SRGAP2: variants seen among roughly 807,000 people sequenced by gnomAD.
SRGAP2 encodes the protein SLIT-ROBO Rho GTPase activating protein 2, also known as SLIT-ROBO Rho GTPase-activating protein 2.
SRGAP2 carries 15 observed loss-of-function variants against 57.2 expected under a neutral mutation model. The observed-to-expected ratio is 0.26, with a 90% CI of 0.18 to 0.40. SRGAP2 has a LOEUF of 0.40. SRGAP2 is among the 10% of genes least tolerant of loss of function. The pLI is 1.00. For synonymous variants in SRGAP2, 249 were observed against 248.0 expected (o/e 1.00, Z -0.04); for missense variants, 520 against 669.6 (o/e 0.78, Z 2.47).
intron 4 of SRGAP2, among the ~76,000 whole-genome samples, chr1:206,374,019 C>CAT (rs1654972996): frequency 1.3e-5 from 1 of 77,012 alleles, no homozygotes; most frequent in Non-Finnish European, 2.3e-5. Context: ...GATACACATT[C>CAT]TTTTTTTTTT....
chr1:206,461,215 C>T lies in SRGAP2; in HGVS notation c.3011C>T (p.Pro1004Leu), dbSNP rs782391090. The T allele has an allele frequency of 5.1e-6, 4 of 780,496 alleles. No homozygotes were observed. The African/African-American group carries it at 6.8e-5, about 13-fold the overall frequency. The allele number at this position is 780,496 out of a possible 1,614,324, so 48.3% of individuals were successfully genotyped here. A position where few individuals can be genotyped will look rare whatever the true frequency, so the allele number is the denominator to read the frequency against. Reference sequence around the variant, plus strand: ...CTGCACACCCAGCTCCTCAAGGACCCCGAGCCCGCCTTCCAGCGCAGCGCC... The same window carrying T: ...CTGCACACCCAGCTCCTCAAGGACCTCGAGCCCGCCTTCCAGCGCAGCGCC... Reference protein sequence around the residue: ...SPLHTQLLKDPEPAFQRSAST... With the variant: ...SPLHTQLLKDLEPAFQRSAST... Residue 1004 changes from proline to leucine, a missense_variant, in exon 23 of 23, where the codon CCC becomes CTC. Coordinates refer to ENST00000573034, the MANE Select transcript of SRGAP2 (RefSeq NM_015326.5).
At chr1:206,399,459 G>GA (rs1250114740) in intron 7 of SRGAP2, among the ~76,000 whole-genome samples, 2 of 149,832 alleles carry the variant, frequency 1.3e-5, no homozygotes, top group South Asian at 2.1e-4. Flanking sequence ...TTACCTTGGG[G>GA]AAAAAAAATG....
chr1:206,371,872 C>T (rs1489201278), intron 4 of SRGAP2, among the ~76,000 whole-genome samples: 3 of 91,282 alleles, frequency 3.3e-5, no homozygotes, highest in African/African-American at 7.1e-5. Flanking sequence ...GCCTGGACTG[C>T]GGTGGCACAA....
chr1:206,295,932 T>C (rs1671566219), intron 2 of SRGAP2, among the ~76,000 whole-genome samples: 2 of 151,718 alleles, frequency 1.3e-5, no homozygotes, highest in South Asian at 4.2e-4. Flanking sequence ...GATGAGGTCT[T>C]GCTATGTTGA....
chr1:206,290,662 AAAG>A (rs1458588745), intron 2 of SRGAP2, among the ~76,000 whole-genome samples: 144 of 150,854 alleles, frequency 9.5e-4, no homozygotes, highest in Middle Eastern at 3.4e-3. Flanking sequence ...AAAAAAAAAA[AAAG>A]AAGAAGAAAT....
intron 14 of SRGAP2, among the ~76,000 whole-genome samples, chr1:206,433,999 C>G (rs1468339170): frequency 6.6e-6 from 1 of 152,046 alleles, no homozygotes; most frequent in Non-Finnish European, 1.5e-5. Context: ...TTGATTTTTC[C>G]CAAATAGGGG....
At chr1:206,376,009 G>A (rs1170284883) in intron 4 of SRGAP2, among the ~76,000 whole-genome samples, 42 of 149,664 alleles carry the variant, frequency 2.8e-4, no homozygotes, top group Non-Finnish European at 4.8e-4. Flanking sequence ...GGTGGTTTTG[G>A]TATTCTGTGA....
intron 5 of SRGAP2, among the ~76,000 whole-genome samples, chr1:206,385,191 C>G (rs1273360955): frequency 9.0e-6 from 1 of 111,156 alleles, no homozygotes; most frequent in Admixed American, 8.8e-5. Flanking sequence ...TGAATTTCTA[C>G]TCTGTGACAC....
intron 2 of SRGAP2, among the ~76,000 whole-genome samples, chr1:206,259,484 G>A (rs1163817866): frequency 2.0e-5 from 3 of 151,722 alleles, no homozygotes; most frequent in Non-Finnish European, 4.4e-5. Context: ...CCACAGGTGC[G>A]TGCCACCAAG....
chr1:206,434,879 A>G (rs1231825844), intron 14 of SRGAP2, among the ~76,000 whole-genome samples: 2 of 152,232 alleles, frequency 1.3e-5, no homozygotes, highest in African/African-American at 2.4e-5. Context: ...AATTTGTGCA[A>G]TGGCTTCACC....
rs547973393 is a variant in SRGAP2, at chr1:206,432,681, T to C, written c.1555+2459T>C. ...ACAAAATGTGAAAGAGTCTATATCA[T>C]GTAGAATACTACAGATGCTCCTCGG... On this transcript the variant is annotated intron_variant, in intron 14 of 22. Transcript: ENST00000573034. 9.8e-5 allele frequency among the ~76,000 whole-genome samples: 15 copies of C among 152,366 alleles called. 1 individual carries two copies. In the South Asian group the frequency reaches 2.7e-3, roughly 27 times the overall value.
At chr1:206,353,276 C>A (rs1410410741) in intron 4 of SRGAP2, among the ~76,000 whole-genome samples, 1 of 152,158 alleles carries the variant, frequency 6.6e-6, no homozygotes, top group Non-Finnish European at 1.5e-5. Flanking sequence ...TTGATTCAGT[C>A]CCACAGCTTG....
At chr1:206,276,611 AC>A (rs1459445367) in intron 2 of SRGAP2, among the ~76,000 whole-genome samples, 1 of 151,696 alleles carries the variant, frequency 6.6e-6, no homozygotes, top group Admixed American at 6.6e-5. Context: ...ATACAGATTA[AC>A]CCGTTCCTCT....
chr1:206,414,656 G>A (rs1352325625), intron 10 of SRGAP2, among the ~76,000 whole-genome samples: 8 of 152,040 alleles, frequency 5.3e-5, no homozygotes, highest in Admixed American at 1.3e-4. Flanking sequence ...GGAGGAGAGC[G>A]GAAAAGATAC....
chr1:206,441,756 C>G (rs1193198665), intron 17 of SRGAP2, among the ~76,000 whole-genome samples: 1 of 152,194 alleles, frequency 6.6e-6, no homozygotes, highest in Non-Finnish European at 1.5e-5. Flanking sequence ...CTGGTGGCAG[C>G]AATTCCCTGT....
At chr1:206,247,152 A>G (rs1480044927) in intron 2 of SRGAP2, among the ~76,000 whole-genome samples, 3 of 148,462 alleles carry the variant, frequency 2.0e-5, no homozygotes, top group South Asian at 2.2e-4. Context: ...AGAGGTGGCA[A>G]TTGAGGATCT....
chr1:206,341,252 C>G (rs1310130828), intron 3 of SRGAP2, among the ~76,000 whole-genome samples: 1 of 152,218 alleles, frequency 6.6e-6, no homozygotes, highest in Non-Finnish European at 1.5e-5. Context: ...ACTCAATAAC[C>G]AAGCTACTCT....
At chr1:206,370,617 A>G (rs1238703346) in intron 4 of SRGAP2, among the ~76,000 whole-genome samples, 1 of 152,100 alleles carries the variant, frequency 6.6e-6, no homozygotes, top group Non-Finnish European at 1.5e-5. Context: ...GGGAGTGACT[A>G]CTAACAGGTT....
intron 3 of SRGAP2, among the ~76,000 whole-genome samples, chr1:206,327,885 C>A (rs1395427061): frequency 1.1e-5 from 1 of 93,056 alleles, no homozygotes; most frequent in African/African-American, 6.2e-5. Context: ...TATACATGTG[C>A]CATGCTGGTG....
Sources: gnomAD v4.1 joint callset for allele counts (sites outside exome capture counted in the v4.1 genomes callset) on GRCh38, gnomAD v4.1.1 for gene constraint, MANE v1.5 for transcripts, NCBI Gene and HGNC (gene_info 2026-07-23, HGNC 2026-07-21) for gene names.